RUFY1: variants seen among roughly 807,000 people sequenced by gnomAD.
RUFY1 encodes the protein RUN and FYVE domain-containing protein 1.
A neutral mutation model predicts 94.6 loss-of-function variants in RUFY1; 54 were observed. That is an observed-to-expected ratio of 0.57 (90% CI 0.46 to 0.72). RUFY1 has a LOEUF of 0.72. RUFY1 is among the 30% of genes least tolerant of loss of function. RUFY1 has a pLI of 0.00. For missense variants in RUFY1, 883 were observed against 883.9 expected (o/e 1.00, Z 0.01); for synonymous variants, 396 against 347.3 (o/e 1.14, Z -1.56).
At chr5:179,592,196 T>G (rs11960130) in intron 10 of RUFY1, among the ~76,000 whole-genome samples, 2 of 151,684 alleles carry the variant, frequency 1.3e-5, no homozygotes, top group Non-Finnish European at 2.9e-5. Context: ...CTCGGCTCAC[T>G]GCAACGTCTG....
At chr5:179,588,548 G>T (rs1562050659) in intron 8 of RUFY1, among the ~76,000 whole-genome samples, 2 of 152,068 alleles carry the variant, frequency 1.3e-5, no homozygotes, top group Non-Finnish European at 2.9e-5. Context: ...TATCTTCAAT[G>T]ATTTGTTTTT....
At chr5:179,589,039 T>G (rs1764831370) in intron 8 of RUFY1, among the ~76,000 whole-genome samples, 1 of 152,128 alleles carries the variant, frequency 6.6e-6, no homozygotes, top group Admixed American at 6.6e-5. Context: ...CCACTCCATC[T>G]TTTCTTAAGC....
rs1029690965 is a variant in RUFY1, at chr5:179,568,686, A to G, written c.705-616A>G. Among the ~76,000 whole-genome samples the G allele has an allele frequency of 3.3e-5, 5 of 152,362 alleles. No individual in the cohort carries two copies. In the South Asian group the frequency reaches 8.3e-4, roughly 25 times the overall value. The stretch of plus-strand genomic sequence containing the variant: ...TAATGATGAAATCAGGGTAATTACC[A>G]TATCCCTCACTTTACTAATGAACTA... On this transcript the variant is annotated intron_variant, in intron 4 of 17. Transcript: ENST00000319449.
chr5:179,550,664 C>G lies in RUFY1; in HGVS notation c.95C>G (p.Pro32Arg). The change falls in exon 1 of 18, where the codon CCG (proline) becomes CGG (arginine). Residue 32 changes from proline to arginine, a missense_variant. Pro to Arg is a moderately radical substitution (Grantham distance 103). Transcript: ENST00000319449. ...PGPGPGSALEPGEEFEIVDRS... is the reference protein window; with the variant it reads ...PGPGPGSALERGEEFEIVDRS... ...CCGGGGCCCGGGTCAGCGCTTGAGC[C>G]GGGAGAAGAGTTTGAGATCGTGGAC... The G allele has an allele frequency of 6.7e-7, 1 of 1,485,042 alleles. No homozygotes were observed. Among genetic ancestry groups the G allele is most frequent in the Non-Finnish European group, 8.9e-7 (1 of 1,123,810 alleles). The allele number at this position is 1,485,042 out of a possible 1,614,324, so 92.0% of individuals were successfully genotyped here. A position where few individuals can be genotyped will look rare whatever the true frequency, so the allele number is the denominator to read the frequency against.
chr5:179,609,442 T>TCCTACCCC lies in RUFY1; in HGVS notation c.2051_2058dup (p.Lys687ProfsTer84). On this transcript the variant is annotated frameshift_variant, in exon 18 of 18. Transcript: ENST00000319449. LOFTEE classifies it high-confidence loss of function. ...CTCCAGCAACGAGCTGGCCCTGCCCTCCTACCCCAAGCCGGTGCGAGTGTG... is the reference window on the plus strand; with the variant it reads ...CTCCAGCAACGAGCTGGCCCTGCCCTCCTACCCCCCTACCCCAAGCCGGTGCGAGTGTG... 1 of 1,612,852 alleles carries TCCTACCCC rather than the reference T, an allele frequency of 6.2e-7. No individual in the cohort carries two copies. The highest frequency in any genetic ancestry group is 8.5e-7 in the Non-Finnish European group (1 of 1,179,776).
chr5:179,598,509 T>G (rs561649250), intron 13 of RUFY1, among the ~76,000 whole-genome samples, 183 bp from the exon 14 acceptor site: 1 of 152,334 alleles, frequency 6.6e-6, no homozygotes, highest in East Asian at 1.9e-4. Context: ...TTTCTCTCCC[T>G]GGTTCCTGCT....
At position 179,609,429 on chromosome 5, in the gene RUFY1, G is replaced by C. The variant is rs1399810944; in HGVS notation, c.2037G>C (p.Glu679Asp). The C allele has an allele frequency of 6.2e-7, 1 of 1,613,100 alleles. No individual in the cohort carries two copies. The highest frequency in any genetic ancestry group is 1.3e-5 in the African/African-American group (1 of 74,896). ...TCTGCAACACCTGCTCCAGCAACGA[G>C]CTGGCCCTGCCCTCCTACCCCAAGC... is the stretch of plus-strand genomic sequence containing the variant. ...HIFCNTCSSN[E>D]LALPSYPKPV... Residue 679 changes from glutamate to aspartate, a missense_variant, in exon 18 of 18, where the codon GAG becomes GAC. Glu to Asp is a conservative substitution (Grantham distance 45, BLOSUM62 2). Coordinates refer to ENST00000319449, the MANE Select transcript of RUFY1 (RefSeq NM_025158.5).
At chr5:179,565,202 C>G (rs1204162789) in intron 3 of RUFY1, among the ~76,000 whole-genome samples, 1 of 109,696 alleles carries the variant, frequency 9.1e-6, no homozygotes, top group Non-Finnish European at 1.7e-5. Flanking sequence ...GAGACAGAGT[C>G]TCACTCTATC....
At chr5:179,590,119 C>T (rs564217430) in intron 9 of RUFY1, among the ~76,000 whole-genome samples, 107 of 152,060 alleles carry the variant, frequency 7.0e-4, no homozygotes, top group South Asian at 3.1e-3. Context: ...TTTGGGAGGC[C>T]GAGGCGGGCG....
intron 5 of RUFY1, among the ~76,000 whole-genome samples, chr5:179,570,262 C>T (rs1763125668): frequency 6.6e-6 from 1 of 152,150 alleles, no homozygotes; most frequent in African/African-American, 2.4e-5. Flanking sequence ...AATGATCATG[C>T]CTGGATTTGA....
intron 9 of RUFY1, among the ~76,000 whole-genome samples, chr5:179,590,388 C>A (rs760340910): frequency 5.3e-5 from 8 of 151,672 alleles, no homozygotes; most frequent in Non-Finnish European, 8.8e-5. Context: ...TGATTGACTT[C>A]TAAATTCACT....
chr5:179,564,905 G>A (rs1762717283), intron 3 of RUFY1, among the ~76,000 whole-genome samples: 1 of 152,062 alleles, frequency 6.6e-6, no homozygotes, highest in South Asian at 2.1e-4. Context: ...AAAGTCCTCT[G>A]TGTACTGATA....
chr5:179,594,151 A>G (rs576073389), intron 11 of RUFY1, among the ~76,000 whole-genome samples: 83 of 151,956 alleles, frequency 5.5e-4, no homozygotes, highest in Non-Finnish European at 1.0e-3. Flanking sequence ...AAAATACAAA[A>G]ATTAGCTGGG....
intron 1 of RUFY1, among the ~76,000 whole-genome samples, chr5:179,552,822 A>T (rs1385010996): frequency 1.3e-5 from 2 of 152,236 alleles, no homozygotes; most frequent in African/African-American, 4.8e-5. Flanking sequence ...ACAAATGCAT[A>T]TTTGAAAAAT....
chr5:179,580,946 G>T lies in RUFY1; in HGVS notation c.891-1G>T, dbSNP rs1255933720. On this transcript the variant is annotated splice_acceptor_variant, in intron 6 of 17. Transcript: ENST00000319449. LOFTEE classifies it high-confidence loss of function. ...CTTCCTTCTTATGCTCCTTTTAAAA[G>T]GCATGAAAGAATTACTGATGTCCTT... 1 of 1,587,472 alleles carries T rather than the reference G, an allele frequency of 6.3e-7. No homozygotes were observed. The highest frequency in any genetic ancestry group is 8.6e-7 in the Non-Finnish European group (1 of 1,160,586).
At chr5:179,587,692 A>G (rs1221571248) in intron 8 of RUFY1, among the ~76,000 whole-genome samples, 2 of 149,046 alleles carry the variant, frequency 1.3e-5, no homozygotes, top group African/African-American at 2.5e-5. Context: ...GAGCCACTGC[A>G]CCCAGCCAGG....
At chr5:179,580,743 C>A (rs950308293) in intron 6 of RUFY1, among the ~76,000 whole-genome samples, 2 of 152,040 alleles carry the variant, frequency 1.3e-5, no homozygotes, top group Non-Finnish European at 2.9e-5. Flanking sequence ...CTCCTGGCAG[C>A]CTGGCCCTGG....
At chr5:179,583,759 TA>T (rs1231360024) in intron 7 of RUFY1, among the ~76,000 whole-genome samples, 1 of 144,326 alleles carries the variant, frequency 6.9e-6, no homozygotes, top group Non-Finnish European at 1.5e-5. Context: ...TATTTTATTT[TA>T]TTTTTTTGAG....
Position 179,560,125 on chromosome 5 carries a change from C to T in RUFY1, c.411C>T (p.Ser137=), listed in dbSNP as rs1581423765. Residue 137 remains serine, a synonymous_variant, in exon 2 of 18, where the codon AGC becomes AGT. Coordinates refer to ENST00000319449, the MANE Select transcript of RUFY1 (RefSeq NM_025158.5). The part of the protein sequence containing the change: ...LLQSALSLGR[S]LDADHAPLQQ... ...AGTCGGCTCTGAGCCTGGGCCGCAG[C>T]CTGGATGCGGACCATGCCCCCTTGC... 1.2e-6 allele frequency: 2 copies of T among 1,614,074 alleles called. No homozygotes were observed. The highest frequency in any genetic ancestry group is 2.2e-5 in the East Asian group (1 of 44,878).
Sources: gnomAD v4.1 joint callset for allele counts (sites outside exome capture counted in the v4.1 genomes callset) on GRCh38, gnomAD v4.1.1 for gene constraint, MANE v1.5 for transcripts, NCBI Gene and HGNC (gene_info 2026-07-23, HGNC 2026-07-21) for gene names.